The following NFIC variants were observed in gnomAD, a reference collection of about 807,000 sequenced individuals.
NFIC encodes nuclear factor I C, also known as nuclear factor 1 C-type.
In NFIC, 12 loss-of-function variants were observed where a neutral mutation model predicts 54.4. That is an observed-to-expected ratio of 0.22 (90% CI 0.14 to 0.36). NFIC has a LOEUF of 0.36. Among genes scored for constraint, NFIC ranks in the 10% least tolerant of loss-of-function variants. The probability of loss-of-function intolerance (pLI) is 1.00; values close to 1 mark genes in which losing one functional copy is unlikely to be tolerated. For synonymous variants in NFIC, 322 were observed against 319.2 expected, an observed-to-expected ratio of 1.01 and a Z score of -0.09; for missense variants, 575 against 718.2, an observed-to-expected ratio of 0.80 and a Z score of 2.28.
At chr19:3,447,296 C>T (rs1056402435) in intron 6 of NFIC, among the ~76,000 whole-genome samples, 6 of 134,536 alleles carry the variant, frequency 4.5e-5, no homozygotes, top group African/African-American at 1.8e-4. Flanking sequence ...GAGACTCTAT[C>T]TCAAAAAAAA....
chr19:3,366,621 TCCCGCCGCG>T lies in NFIC; in HGVS notation c.-11_-3del. On this transcript the variant is annotated 5_prime_UTR_variant, in exon 1 of 11. Coordinates refer to ENST00000443272, the MANE Select transcript of NFIC (RefSeq NM_001245002.2). ...CGCCCGCTCCGGCCGGCCCTGCGCC[TCCCGCCGCG>T]CCCGGGATGTATTCGTCCCCGCTCT... 6.7e-7 allele frequency: 1 copy of T among 1,493,974 alleles called. No individual in the cohort carries two copies. 92.5% of individuals were successfully genotyped at this position (1,493,974 alleles called of 1,614,324 possible). A position where few individuals can be genotyped will look rare whatever the true frequency, so the allele number is the denominator to read the frequency against.
At chr19:3,462,709 C>T (rs552603396) in intron 10 of NFIC, 43 bp from the exon 11 acceptor site, 2 of 1,608,806 alleles carry the variant, frequency 1.2e-6, no homozygotes, top group South Asian at 1.1e-5. Flanking sequence ...GACTTCTCTC[C>T]CTTTTTCTCT....
intron 2 of NFIC, among the ~76,000 whole-genome samples, chr19:3,416,689 T>C (rs989551842): frequency 6.6e-6 from 1 of 150,680 alleles, no homozygotes; most frequent in Non-Finnish European, 1.5e-5. Flanking sequence ...CGTGCCCGGC[T>C]AATTTTGTAT....
At chr19:3,409,681 G>A (rs1269236132) in intron 2 of NFIC, among the ~76,000 whole-genome samples, 1 of 152,234 alleles carries the variant, frequency 6.6e-6, no homozygotes, top group African/African-American at 2.4e-5. Context: ...AGAGCCCACG[G>A]CGATGCCTTT....
At chr19:3,361,976 CACAG>C (rs1313216656), upstream of NFIC, among the ~76,000 whole-genome samples, 2 of 152,208 alleles carry the variant, frequency 1.3e-5, no homozygotes, top group African/African-American at 2.4e-5. Context: ...CACAGGCGTG[CACAG>C]ACACACATGG....
intron 9 of NFIC, among the ~76,000 whole-genome samples, chr19:3,454,514 C>T (rs1347258864): frequency 6.6e-6 from 1 of 151,964 alleles, no homozygotes; most frequent in African/African-American, 2.4e-5. Context: ...GATTTTTCTG[C>T]TCTCTGGATG....
At chr19:3,438,768 CCCT>C (rs2082246802) in intron 6 of NFIC, among the ~76,000 whole-genome samples, 1 of 152,138 alleles carries the variant, frequency 6.6e-6, no homozygotes, top group African/African-American at 2.4e-5. Context: ...CAGTGTAAAG[CCCT>C]CCTGTGTGCT....
At chr19:3,367,906 G>A (rs1305716591) in intron 1 of NFIC, among the ~76,000 whole-genome samples, 2 of 152,198 alleles carry the variant, frequency 1.3e-5, no homozygotes, top group Admixed American at 6.5e-5. Flanking sequence ...CCCCACGCCA[G>A]GCATGCTCCT....
Position 3,375,748 on chromosome 19 carries a change from C to G in NFIC, c.31-5964C>G, listed in dbSNP as rs367564455. 7.2e-5 allele frequency among the ~76,000 whole-genome samples: 11 copies of G among 152,164 alleles called. No individual in the cohort carries two copies. The East Asian group carries it at 1.9e-3, about 27-fold the overall frequency. On this transcript the variant is annotated intron_variant, in intron 1 of 10. Transcript: ENST00000443272. The surrounding 1 kb of genome is among the most constrained non-coding windows in gnomAD (Gnocchi z 4.6). The stretch of plus-strand genomic sequence containing the variant: ...TGAAATCTGATGTCCTGCCCCTCCC[C>G]CCGAAGCACCCCACGGCCGGAGGTG...
At chr19:3,426,731 C>T (rs1599666884) in intron 3 of NFIC, among the ~76,000 whole-genome samples, 1 of 152,124 alleles carries the variant, frequency 6.6e-6, no homozygotes, top group South Asian at 2.1e-4. Context: ...CACAGACCTC[C>T]TCGCCGTTCC....
chr19:3,384,190 G>A (rs1185702452), intron 2 of NFIC, among the ~76,000 whole-genome samples: 1 of 151,300 alleles, frequency 6.6e-6, no homozygotes, highest in Non-Finnish European at 1.5e-5. Flanking sequence ...AAGTAGCTGG[G>A]ACTATAGGCG....
At chr19:3,371,992 T>TCC in intron 1 of NFIC, among the ~76,000 whole-genome samples, 1 of 73,750 alleles carries the variant, frequency 1.4e-5, no homozygotes, top group Non-Finnish European at 2.6e-5. Context: ...TCTCTCCCTC[T>TCC]CTCTCCCTCT....
chr19:3,432,628 A>G (rs985150893), intron 3 of NFIC, among the ~76,000 whole-genome samples: 1 of 150,946 alleles, frequency 6.6e-6, no homozygotes, highest in Non-Finnish European at 1.5e-5. Context: ...ACACCGAGGC[A>G]GGTGATGGAG....
At chr19:3,415,059 G>A (rs578129342) in intron 2 of NFIC, among the ~76,000 whole-genome samples, 1 of 151,992 alleles carries the variant, frequency 6.6e-6, no homozygotes, top group Non-Finnish European at 1.5e-5. Context: ...AGGCTGGTCT[G>A]GAAATGCTGA....
intron 2 of NFIC, among the ~76,000 whole-genome samples, chr19:3,410,055 T>C (rs77189902): frequency 2.9e-5 from 4 of 138,536 alleles, no homozygotes; most frequent in Admixed American, 7.2e-5. Context: ...TTTTTTTTTT[T>C]CCTGAGACGG....
intron 1 of NFIC, among the ~76,000 whole-genome samples, chr19:3,380,176 T>G (rs2081179508): frequency 6.9e-6 from 1 of 145,282 alleles, no homozygotes; most frequent in South Asian, 2.2e-4. Context: ...AATTTTTTTG[T>G]TTTTTTTTCA....
rs751328148 is a variant in NFIC, at chr19:3,462,797, C to T, written c.*28C>T. ...AAGGTCTTCTTCCCTCGCCCCTTCT[C>T]CATCGTCCCAGGAATCCCAGGGGGC... is the stretch of plus-strand genomic sequence containing the variant. On this transcript the variant is annotated 3_prime_UTR_variant, in exon 11 of 11. Transcript: ENST00000443272. The T allele has an allele frequency of 1.3e-5, 21 of 1,613,814 alleles. No homozygotes were observed. The highest frequency in any genetic ancestry group is 1.7e-5 in the Non-Finnish European group (20 of 1,180,008).
At chr19:3,443,594 T>A (rs776016791) in intron 6 of NFIC, among the ~76,000 whole-genome samples, 1 of 152,058 alleles carries the variant, frequency 6.6e-6, no homozygotes, top group Non-Finnish European at 1.5e-5. Flanking sequence ...CTGGGACCTC[T>A]GCAGGGCAGA....
chr19:3,466,883 C>G lies in NFIC; in HGVS notation c.*4114C>G, dbSNP rs1264025119. 2 of 152,154 alleles carry G rather than the reference C, an allele frequency of 1.3e-5. No homozygotes were observed. The highest frequency in any genetic ancestry group is 2.4e-5 in the African/African-American group (1 of 41,418). 9.4% of individuals were successfully genotyped at this position (152,154 alleles called of 1,614,324 possible). On this transcript the variant is annotated 3_prime_UTR_variant, in exon 11 of 11. Coordinates refer to ENST00000443272, the MANE Select transcript of NFIC (RefSeq NM_001245002.2). This position sits in a 1 kb window ranked among gnomAD's most constrained non-coding sequence, Gnocchi z 4.8. Reference sequence around the variant, plus strand: ...TTGGCTGAGTACAGCAGGCAAAAGCCCATACCAGGCAGCATGTTGTGGATG... The same window carrying G: ...TTGGCTGAGTACAGCAGGCAAAAGCGCATACCAGGCAGCATGTTGTGGATG...
Sources: allele counts gnomAD v4.1 joint callset (sites outside exome capture counted in the v4.1 genomes callset), GRCh38; gene constraint gnomAD v4.1.1; non-coding constraint Gnocchi (gnomAD v3.1); transcripts MANE v1.5; gene names NCBI Gene and HGNC (gene_info 2026-07-23, HGNC 2026-07-21).